The following MBTPS1 variants were observed in gnomAD, a reference collection of about 807,000 sequenced individuals.
MBTPS1 encodes membrane bound transcription factor peptidase, site 1.
MBTPS1 carries 94 observed loss-of-function variants against 127.8 expected under a neutral mutation model. The observed-to-expected ratio is 0.74, with a 90% CI of 0.62 to 0.87. MBTPS1 has a LOEUF of 0.87. MBTPS1 is among the 40% of genes least tolerant of loss of function. The pLI, the probability that MBTPS1 is intolerant of heterozygous loss-of-function variation, is 0.00. For missense variants in MBTPS1, 1,636 were observed against 1,353.2 expected (o/e 1.21, Z -3.28); for synonymous variants, 632 against 509.4 (o/e 1.24, Z -3.24).
In MBTPS1 at chr16:84,094,219, G is replaced by A. The variant is rs575040840; in HGVS notation, c.626-398C>T. Among the ~76,000 whole-genome samples, 9 of 152,106 alleles carry A rather than the reference G, an allele frequency of 5.9e-5. No individual in the cohort carries two copies. The South Asian group carries it at 1.5e-3, about 25-fold the overall frequency. On this transcript the variant is annotated intron_variant, in intron 4 of 22. Transcript: ENST00000343411. ...GGTCTCCACCCCCCACCTTCTCGGA[G>A]GCCCTGCAAAACACTCACAAACCAC... is the stretch of plus-strand genomic sequence containing the variant.
chr16:84,082,336 G>C (rs755649371), intron 10 of MBTPS1, among the ~76,000 whole-genome samples: 5 of 152,170 alleles, frequency 3.3e-5, no homozygotes, highest in African/African-American at 4.8e-5. Context: ...CACAGGACTA[G>C]CAGGAGGCAC....
intron 19 of MBTPS1, among the ~76,000 whole-genome samples, chr16:84,062,697 A>T (rs772497454): frequency 1.4e-4 from 22 of 152,224 alleles, no homozygotes; most frequent in Non-Finnish European, 2.6e-4. Flanking sequence ...AAAATGAGAA[A>T]AATAGTCTGT....
At chr16:84,116,517 G>T (rs1367059491) in intron 1 of MBTPS1, among the ~76,000 whole-genome samples, 1 of 152,232 alleles carries the variant, frequency 6.6e-6, no homozygotes, top group African/African-American at 2.4e-5. Flanking sequence ...CCAGGCAACG[G>T]AACAAGCTGC....
chr16:84,111,407 G>A (rs925574791), intron 1 of MBTPS1, among the ~76,000 whole-genome samples: 2 of 152,124 alleles, frequency 1.3e-5, no homozygotes, highest in African/African-American at 2.4e-5. Flanking sequence ...AGGTAATGGT[G>A]GTGGGTGCCT....
At chr16:84,070,093 C>A (rs2085748903) in intron 13 of MBTPS1, 55 bp from the exon 14 acceptor site, 1 of 1,447,796 alleles carries the variant, frequency 6.9e-7, no homozygotes, top group African/African-American at 1.4e-5. Flanking sequence ...AAGAAACTTT[C>A]AGGTTTGAAA....
chr16:84,056,676 A>G (rs1439115568), intron 21 of MBTPS1: 2 of 152,672 alleles, frequency 1.3e-5, no homozygotes, highest in East Asian at 3.8e-4. Flanking sequence ...AGGAACCAAC[A>G]GTGGGAGAGA....
intron 1 of MBTPS1, among the ~76,000 whole-genome samples, chr16:84,111,697 T>G (rs1425297097): frequency 6.6e-6 from 1 of 152,126 alleles, no homozygotes; most frequent in African/African-American, 2.4e-5. Context: ...CTGCTGAAAC[T>G]TTGACTTGAG....
At chr16:84,099,417 C>G in intron 2 of MBTPS1, 107 bp from the exon 3 acceptor site, 1 of 1,123,078 alleles carries the variant, frequency 8.9e-7, no homozygotes, top group Non-Finnish European at 1.2e-6. Flanking sequence ...TATCTTAAAG[C>G]CCACAGCAGA....
At chr16:84,054,672 G>C (rs769197714) in intron 22 of MBTPS1, 27 bp from the exon 23 acceptor site, 6 of 1,531,380 alleles carry the variant, frequency 3.9e-6, no homozygotes, top group Admixed American at 3.9e-5. Context: ...GGTTGAACAG[G>C]CAGGAACGCC....
intron 16 of MBTPS1, 135 bp from the exon 17 acceptor site, chr16:84,066,748 A>AC (rs1483679722): frequency 2.3e-6 from 2 of 874,000 alleles, no homozygotes; most frequent in Admixed American, 5.5e-5. Flanking sequence ...AACTGAAACC[A>AC]ACTGTCTGGG....
chr16:84,059,483 C>A, intron 20 of MBTPS1, 55 bp from the exon 21 acceptor site: 6 of 1,561,836 alleles, frequency 3.8e-6, no homozygotes, highest in Admixed American at 3.6e-5. Flanking sequence ...TACTAAAATG[C>A]AAAGGAAAAA....
chr16:84,093,367 G>A (rs2086136619), intron 5 of MBTPS1, 70 bp from the exon 6 acceptor site: 2 of 1,042,804 alleles, frequency 1.9e-6, no homozygotes, highest in Non-Finnish European at 3.0e-6. Flanking sequence ...AACATTCCAG[G>A]CCATGAGTTC....
chr16:84,085,273 G>GA, intron 9 of MBTPS1, 139 bp from the exon 10 acceptor site: 1 of 875,902 alleles, frequency 1.1e-6, no homozygotes, highest in East Asian at 2.7e-5. Context: ...GTTTTAGTCT[G>GA]AAATTCACTC....
chr16:84,084,370 C>T (rs1328628339), intron 10 of MBTPS1, among the ~76,000 whole-genome samples: 1 of 152,190 alleles, frequency 6.6e-6, no homozygotes, highest in Non-Finnish European at 1.5e-5. Context: ...GACTGTCAGT[C>T]CCTGGTGGCT....
Position 84,090,962 on chromosome 16 carries a change from T to G in MBTPS1, c.964-20A>C. 6.5e-7 allele frequency: 1 copy of G among 1,541,444 alleles called. No homozygotes were observed. Among genetic ancestry groups the G allele is most frequent in the Non-Finnish European group, 9.0e-7 (1 of 1,116,398 alleles). ...CCACACCTACAAAAGGAGCATTTAT[T>G]TAATGAAAGTATCCCTTTCATTAAA... On this transcript the variant is annotated intron_variant, in intron 7 of 22. Transcript: ENST00000343411.
intron 1 of MBTPS1, among the ~76,000 whole-genome samples, chr16:84,102,383 G>A (rs1431327222): frequency 6.6e-6 from 1 of 152,084 alleles, no homozygotes; most frequent in Non-Finnish European, 1.5e-5. Context: ...ACAAATTAAT[G>A]TGCCATACAA....
intron 8 of MBTPS1, 34 bp from the exon 9 acceptor site, chr16:84,087,494 G>GA: frequency 2.3e-6 from 3 of 1,285,884 alleles, no homozygotes; most frequent in Non-Finnish European, 3.3e-6. Context: ...AAAAAGAAAA[G>GA]AAAAAGAAAA....
At position 84,098,635 on chromosome 16, in the gene MBTPS1, G is replaced by T. The variant is rs748457535; in HGVS notation, c.421+418C>A. 4.9e-4 allele frequency among the ~76,000 whole-genome samples: 74 copies of T among 151,940 alleles called. 1 individual carries two copies. The highest frequency in any genetic ancestry group is 1.2e-4 in the Non-Finnish European group (8 of 67,994). On this transcript the variant is annotated intron_variant, in intron 3 of 22. Transcript: ENST00000343411. ...AAAAATAAATAAATAAAAAGGAAAA[G>T]AAAAAATAAAACACACACTGAGAGA...
Position 84,085,028 on chromosome 16 carries a change from C to G in MBTPS1, c.1241G>C (p.Ser414Thr), listed in dbSNP as rs774069326. 6.2e-7 allele frequency: 1 copy of G among 1,614,256 alleles called. No individual in the cohort carries two copies. The change falls in exon 10 of 23, where the codon AGT (serine) becomes ACT (threonine). Residue 414 changes from serine (S) to threonine (T), a missense_variant. Coordinates refer to ENST00000343411, the MANE Select transcript of MBTPS1 (RefSeq NM_003791.4). ...KGGCRALSGT[S>T]VASPVVAGAV... ...ACCTGCAACCACTGGAGAAGCAACACTGGTCCCTGAGAGGGCCCGGCACCC... is the reference window on the plus strand; with the variant it reads ...ACCTGCAACCACTGGAGAAGCAACAGTGGTCCCTGAGAGGGCCCGGCACCC...
Sources: gnomAD v4.1 joint callset for allele counts (sites outside exome capture counted in the v4.1 genomes callset) on GRCh38, gnomAD v4.1.1 for gene constraint, MANE v1.5 for transcripts, NCBI Gene and HGNC (gene_info 2026-07-23, HGNC 2026-07-21) for gene names.